PRR5: variants seen among roughly 807,000 people sequenced by gnomAD.
PRR5 encodes the protein proline rich 5.
Under a neutral mutation model 30.6 loss-of-function variants are expected in PRR5, and 25 were observed. The ratio of observed to expected loss-of-function variants is 0.82; its 90% CI spans 0.60 to 1.14. The LOEUF is 1.14. PRR5 is among the 50% of genes most tolerant of loss of function. The probability of loss-of-function intolerance (pLI) is 0.00; values close to 1 mark genes in which losing one functional copy is unlikely to be tolerated. For missense variants in PRR5, 600 were observed against 547.1 expected (o/e 1.10, Z -0.96); for synonymous variants, 286 against 247.1 (o/e 1.16, Z -1.48).
intron 1 of PRR5, among the ~76,000 whole-genome samples, chr22:44,702,939 G>C (rs1038745737): frequency 1.3e-5 from 2 of 152,222 alleles, no homozygotes; most frequent in Non-Finnish European, 2.9e-5. Context: ...TGCGGTGCTC[G>C]TGACAACCTG....
intron 4 of PRR5, chr22:44,729,587 A>T (rs1036559307): frequency 3.0e-6 from 3 of 985,248 alleles, no homozygotes; most frequent in African/African-American, 3.5e-5. Flanking sequence ...TTCATAGAGG[A>T]TGCCACTGAG....
intron 1 of PRR5, among the ~76,000 whole-genome samples, chr22:44,681,878 G>C (rs1291755197): frequency 6.6e-6 from 1 of 152,236 alleles, no homozygotes; most frequent in African/African-American, 2.4e-5. Context: ...CCACAGCCTG[G>C]AGGGCAGGCA....
At chr22:44,726,904 CG>C (rs1920972972) in intron 4 of PRR5, among the ~76,000 whole-genome samples, 1 of 152,176 alleles carries the variant, frequency 6.6e-6, no homozygotes. Flanking sequence ...TCCCTGCCCA[CG>C]GGACTTTCTG....
chr22:44,736,734 G>A, intron 7 of PRR5, 38 bp from the exon 8 acceptor site: 1 of 1,515,790 alleles, frequency 6.6e-7, no homozygotes, highest in Non-Finnish European at 8.8e-7. Context: ...GGGGACCCAG[G>A]TGGCCTCTGG....
At position 44,732,307 on chromosome 22, in the gene PRR5, C is replaced by G. The variant is rs555716166; in HGVS notation, c.471C>G (p.Thr157=). The part of the protein sequence containing the change: ...LALLHFRNAI[T]LSVKLEDALA... Reference sequence around the variant, plus strand: ...TGCTGCACTTCCGGAATGCCATCACCCTCAGTGTGAAGCTAGAGGATGCGC... The same window carrying G: ...TGCTGCACTTCCGGAATGCCATCACGCTCAGTGTGAAGCTAGAGGATGCGC... The change falls in exon 6 of 8, where the codon ACC becomes ACG. Residue 157 remains threonine, a synonymous_variant. Coordinates refer to ENST00000336985, the MANE Select transcript of PRR5 (RefSeq NM_181333.4). 61 of 1,612,312 alleles carry G rather than the reference C, an allele frequency of 3.8e-5. No individual in the cohort carries two copies. Among genetic ancestry groups the G allele is most frequent in the Non-Finnish European group, 5.0e-5 (59 of 1,179,998 alleles).
Position 44,732,414 on chromosome 22 carries a change from CGGGCAT to C in PRR5, c.555+27_555+32del, listed in dbSNP as rs764198981. 37 of 1,594,046 alleles carry C rather than the reference CGGGCAT, an allele frequency of 2.3e-5. No individual in the cohort carries two copies. In the East Asian group the frequency reaches 8.1e-4, roughly 35 times the overall value. ...CAGGTGGGCACAGTGGGCAGAGGGT[CGGGCAT>C]GGGGACCGTGGGGCAGTAATTGGGC... On this transcript the variant is annotated intron_variant, in intron 6 of 7. Coordinates refer to ENST00000336985, the MANE Select transcript of PRR5 (RefSeq NM_181333.4).
At chr22:44,680,019 CTGAG>C (rs1170013139) in intron 1 of PRR5, 1 of 765,616 alleles carries the variant, frequency 1.3e-6, no homozygotes, top group African/African-American at 1.8e-5. Context: ...GGACCTCAGC[CTGAG>C]TGAGTGTGTT....
At chr22:44,700,634 GAAAAC>G (rs932528756), upstream of PRR5, among the ~76,000 whole-genome samples, 1 of 152,172 alleles carries the variant, frequency 6.6e-6, no homozygotes, top group Non-Finnish European at 1.5e-5. Context: ...AAAAAGAAAA[GAAAAC>G]GTGTACAGCA....
At chr22:44,694,275 T>G (rs886598052) in intron 1 of PRR5, among the ~76,000 whole-genome samples, 1 of 152,202 alleles carries the variant, frequency 6.6e-6, no homozygotes. Context: ...TGGTGGCTCA[T>G]GCCTGTAATC....
At chr22:44,677,682 G>A (rs1056900504) in intron 1 of PRR5, among the ~76,000 whole-genome samples, 31 of 152,190 alleles carry the variant, frequency 2.0e-4, no homozygotes, top group African/African-American at 7.2e-4. Context: ...CTTCCCTAGG[G>A]GAGCTTATGC....
chr22:44,702,280 C>T lies in PRR5; in HGVS notation c.-195C>T, dbSNP rs1375968578. The T allele has an allele frequency of 6.9e-5, 79 of 1,145,552 alleles. No homozygotes were observed. Among genetic ancestry groups the T allele is most frequent in the South Asian group, 2.1e-4 (5 of 23,514 alleles). 71.0% of individuals were successfully genotyped at this position (1,145,552 alleles called of 1,614,324 possible). On this transcript the variant is annotated 5_prime_UTR_variant, in exon 1 of 8. Transcript: ENST00000336985. Reference sequence around the variant, plus strand: ...TGAGCCTCTCCGTGCAATGATTAACCCGGCGGGGCGGCCGGCGCGGGACCC... The same window carrying T: ...TGAGCCTCTCCGTGCAATGATTAACTCGGCGGGGCGGCCGGCGCGGGACCC...
intron 1 of PRR5, among the ~76,000 whole-genome samples, chr22:44,705,067 A>G (rs1360471649): frequency 6.6e-6 from 1 of 152,070 alleles, no homozygotes; most frequent in Non-Finnish European, 1.5e-5. Context: ...ACCCCCTTTT[A>G]TCTGTGTGAC....
chr22:44,702,121 C>CGGGGCG, upstream of PRR5: 1 of 238,198 alleles, frequency 4.2e-6, no homozygotes, highest in Non-Finnish European at 7.0e-6. Flanking sequence ...CCCCGCCCCG[C>CGGGGCG]CCGCGATGCC....
intron 1 of PRR5, among the ~76,000 whole-genome samples, chr22:44,686,393 G>C (rs1302107550): frequency 6.6e-6 from 1 of 152,186 alleles, no homozygotes; most frequent in Non-Finnish European, 1.5e-5. Context: ...CTGGGGTGCA[G>C]TGGCATTAAC....
At chr22:44,722,779 G>A (rs932297788) in intron 2 of PRR5, among the ~76,000 whole-genome samples, 8 of 152,170 alleles carry the variant, frequency 5.3e-5, no homozygotes, top group Non-Finnish European at 7.4e-5. Flanking sequence ...ACTCCTGGTG[G>A]CCAGGGGCAC....
At chr22:44,736,017 C>T (rs879565439) in intron 7 of PRR5, among the ~76,000 whole-genome samples, 5 of 152,190 alleles carry the variant, frequency 3.3e-5, no homozygotes, top group Non-Finnish European at 7.4e-5. Flanking sequence ...TCGTGTGTGT[C>T]GCCCGCCACC....
intron 1 of PRR5, among the ~76,000 whole-genome samples, chr22:44,707,770 C>A (rs1927468162): frequency 2.0e-5 from 3 of 152,218 alleles, no homozygotes; most frequent in Non-Finnish European, 4.4e-5. Flanking sequence ...CCCACCCCTG[C>A]AGTCCACACC....
intron 7 of PRR5, among the ~76,000 whole-genome samples, chr22:44,735,686 C>T (rs1048877343): frequency 2.0e-5 from 3 of 152,306 alleles, no homozygotes; most frequent in African/African-American, 4.8e-5. Flanking sequence ...CCCGAGCCCA[C>T]GCCCTTCCCC....
At chr22:44,729,236 GT>G in intron 4 of PRR5, 1 of 881,804 alleles carries the variant, frequency 1.1e-6, no homozygotes, top group Non-Finnish European at 1.4e-6. Context: ...CACCCAGCGC[GT>G]GGCTTTTGTC....
Sources: gnomAD v4.1 joint callset for allele counts (sites outside exome capture counted in the v4.1 genomes callset) on GRCh38, gnomAD v4.1.1 for gene constraint, MANE v1.5 for transcripts, NCBI Gene and HGNC (gene_info 2026-07-23, HGNC 2026-07-21) for gene names.